RMDN1: variants seen among roughly 807,000 people sequenced by gnomAD.
The protein encoded by RMDN1 is regulator of microtubule dynamics protein 1.
A neutral mutation model predicts 48.9 loss-of-function variants in RMDN1; 48 were observed. The ratio of observed to expected loss-of-function variants is 0.98; its 90% CI spans 0.78 to 1.25. RMDN1 has a LOEUF of 1.25. Among genes scored for constraint, RMDN1 ranks in the 50% most tolerant of loss-of-function variants. RMDN1 has a pLI of 0.00. For synonymous variants in RMDN1, 148 were observed against 132.6 expected (o/e 1.12, Z -0.80); for missense variants, 418 against 373.4 (o/e 1.12, Z -0.98).
chr8:86,475,064 T>C (rs374202517), intron 8 of RMDN1, 111 bp from the exon 9 acceptor site: 3 of 808,422 alleles, frequency 3.7e-6, no homozygotes, highest in Admixed American at 2.9e-5. Flanking sequence ...AATAAGTGAT[T>C]AGACTAATGG....
intron 2 of RMDN1, chr8:86,504,885 A>G (rs1241769382): frequency 9.2e-7 from 1 of 1,091,314 alleles, no homozygotes; most frequent in Non-Finnish European, 1.4e-6. Context: ...TATCTTCGCC[A>G]GCTTCCTCAT....
intron 5 of RMDN1, among the ~76,000 whole-genome samples, chr8:86,483,883 C>G (rs1415699019): frequency 6.7e-6 from 1 of 148,502 alleles, no homozygotes; most frequent in African/African-American, 2.5e-5. Context: ...TATACAGACT[C>G]CTATGCAATT....
At chr8:86,481,061 T>C (rs114509498) in intron 5 of RMDN1, among the ~76,000 whole-genome samples, 2,544 of 152,318 alleles carry the variant, frequency 0.017, 79 homozygotes, top group African/African-American at 0.058. Flanking sequence ...TTAATGTTCA[T>C]ATTAAAAGGA....
chr8:86,475,992 T>C (rs1000980119), intron 8 of RMDN1, among the ~76,000 whole-genome samples: 2 of 152,126 alleles, frequency 1.3e-5, no homozygotes, highest in African/African-American at 4.8e-5. Flanking sequence ...CATGTAAATG[T>C]TCATAGTATT....
At chr8:86,482,891 C>G in intron 5 of RMDN1, 1 of 1,077,440 alleles carries the variant, frequency 9.3e-7, no homozygotes, top group Non-Finnish European at 1.4e-6. Flanking sequence ...AGTTGTTGAA[C>G]AGACTGACCT....
intron 2 of RMDN1, among the ~76,000 whole-genome samples, chr8:86,490,849 C>T (rs1269844443): frequency 6.6e-6 from 1 of 151,942 alleles, no homozygotes; most frequent in East Asian, 1.9e-4. Context: ...TCACATTACT[C>T]ATGCGATTAA....
intron 2 of RMDN1, among the ~76,000 whole-genome samples, chr8:86,490,343 T>C (rs1816284029): frequency 6.6e-6 from 1 of 152,208 alleles, no homozygotes; most frequent in African/African-American, 2.4e-5. Flanking sequence ...TATCCTGGAT[T>C]ACCCAGGTAG....
At position 86,508,613 on chromosome 8, in the gene RMDN1, A is replaced by AGCG. The variant is rs759187937; in HGVS notation, c.5_7dup (p.Ala2_Leu3insPro). 34 of 1,602,684 alleles carry AGCG rather than the reference A, an allele frequency of 2.1e-5. No individual in the cohort carries two copies. The highest frequency in any genetic ancestry group is 6.7e-5 in the Admixed American group (4 of 59,436). ...CAGAAGGCGCCACAGTCGAGCAGCCAGCGCCATGACCTGCAACTTGCGGGC... is the reference window on the plus strand; with the variant it reads ...CAGAAGGCGCCACAGTCGAGCAGCCAGCGGCGCCATGACCTGCAACTTGCGGGC... On this transcript the variant is annotated inframe_insertion, in exon 1 of 10. Transcript: ENST00000406452.
chr8:86,474,726 GC>G, intron 9 of RMDN1, 93 bp downstream of exon 9: 2 of 1,088,606 alleles, frequency 1.8e-6, no homozygotes, highest in Non-Finnish European at 2.8e-6. Context: ...ACAATATTAT[GC>G]ATTTAGAAAA....
intron 3 of RMDN1, among the ~76,000 whole-genome samples, chr8:86,487,605 A>T (rs1815695202): frequency 6.6e-6 from 1 of 151,960 alleles, no homozygotes; most frequent in Non-Finnish European, 1.5e-5. Flanking sequence ...AAAATAAAAT[A>T]AAATAAATAA....
intron 5 of RMDN1, among the ~76,000 whole-genome samples, chr8:86,484,137 T>C (rs1815045571): frequency 6.6e-6 from 1 of 152,206 alleles, no homozygotes; most frequent in South Asian, 2.1e-4. Context: ...TAACAGGATA[T>C]TACCAAGTGT....
At chr8:86,505,022 G>A in intron 2 of RMDN1, 3 of 1,483,912 alleles carry the variant, frequency 2.0e-6, no homozygotes, top group Non-Finnish European at 2.8e-6. Flanking sequence ...GCATCATGGA[G>A]ATGAACAGCA....
intron 2 of RMDN1, among the ~76,000 whole-genome samples, chr8:86,505,762 C>T (rs956197281): frequency 5.3e-5 from 8 of 152,056 alleles, no homozygotes; most frequent in African/African-American, 1.9e-4. Context: ...GGTTAGCGTG[C>T]AATATGAAGA....
chr8:86,481,880 T>A, intron 5 of RMDN1: 1 of 752,932 alleles, frequency 1.3e-6, no homozygotes, highest in Non-Finnish European at 2.1e-6. Flanking sequence ...TCAAGGTAGA[T>A]CTAATATGTT....
exon 1 of RMDN1, chr8:86,514,325 T>G: frequency 6.3e-6 from 6 of 948,554 alleles, no homozygotes; most frequent in Non-Finnish European, 7.5e-6. Context: ...GGAGCTGACA[T>G]GCAGCCCGGA....
chr8:86,500,962 G>C (rs2131178119), intron 2 of RMDN1, among the ~76,000 whole-genome samples: 1 of 152,270 alleles, frequency 6.6e-6, no homozygotes, highest in South Asian at 2.1e-4. Flanking sequence ...ACCAAATACT[G>C]CATGTTTTCA....
chr8:86,508,546 C>T lies in RMDN1; in HGVS notation c.75G>A (p.Ala25=), dbSNP rs1041483697. The T allele has an allele frequency of 1.3e-6, 2 of 1,589,142 alleles. No homozygotes were observed. Among genetic ancestry groups the T allele is most frequent in the African/African-American group, 1.3e-5 (1 of 74,506 alleles). The change falls in exon 1 of 10, where the codon GCG becomes GCA. Residue 25 remains alanine (A), a synonymous_variant. Transcript: ENST00000406452. ...AATGCCCGCGGCTGCCCGAAGTCCC[C>T]GCAGGGAGACGAGACCCCGGGGCGG... ...RGAAPGSRLP[A]GTSGSRGHCG...
intron 6 of RMDN1, 71 bp downstream of exon 6, chr8:86,480,206 A>G: frequency 1.4e-6 from 1 of 732,422 alleles, no homozygotes; most frequent in Non-Finnish European, 2.2e-6. Context: ...ATATATGCAA[A>G]AGAAGATATT....
At chr8:86,486,035 G>T (rs1277312315) in intron 4 of RMDN1, among the ~76,000 whole-genome samples, 2 of 152,184 alleles carry the variant, frequency 1.3e-5, no homozygotes, top group African/African-American at 4.8e-5. Flanking sequence ...AATCCTGAAA[G>T]CAGCTAAGTT....
Sources: gnomAD v4.1 joint callset for allele counts (sites outside exome capture counted in the v4.1 genomes callset) on GRCh38, gnomAD v4.1.1 for gene constraint, MANE v1.5 for transcripts, NCBI Gene and HGNC (gene_info 2026-07-23, HGNC 2026-07-21) for gene names.